Variants in SYN3 observed in about 807,000 individuals in gnomAD.
SYN3 encodes the protein synapsin III, also known as synapsin-3.
SYN3 carries 35 observed loss-of-function variants against 65.8 expected under a neutral mutation model. The observed-to-expected ratio is 0.53, with a 90% CI of 0.41 to 0.70. The LOEUF is 0.70. Among genes scored for constraint, SYN3 ranks in the 30% least tolerant of loss-of-function variants. The pLI, the probability that SYN3 is intolerant of heterozygous loss-of-function variation, is 0.00. For missense variants in SYN3, 680 were observed against 749.0 expected, an observed-to-expected ratio of 0.91 and a Z score of 1.08; for synonymous variants, 270 against 292.9, an observed-to-expected ratio of 0.92 and a Z score of 0.80.
intron 1 of SYN3, among the ~76,000 whole-genome samples, chr22:33,013,997 C>A (rs1398199939): frequency 6.6e-6 from 1 of 151,240 alleles, no homozygotes; most frequent in Admixed American, 6.6e-5. Flanking sequence ...CTCAACCTCC[C>A]AGGCTTAAGT....
At chr22:32,625,291 T>C (rs931360231) in intron 6 of SYN3, among the ~76,000 whole-genome samples, 1 of 152,208 alleles carries the variant, frequency 6.6e-6, no homozygotes, top group Admixed American at 6.5e-5. Context: ...AGGGATTTCA[T>C]ACAAAACTGT....
chr22:32,746,622 C>T (rs780626873), intron 6 of SYN3, among the ~76,000 whole-genome samples: 26 of 152,274 alleles, frequency 1.7e-4, no homozygotes, highest in Admixed American at 5.2e-4. Flanking sequence ...CTGATTCTTC[C>T]AGCACAGGTA....
At chr22:32,664,582 C>A (rs2060262285) in intron 6 of SYN3, among the ~76,000 whole-genome samples, 2 of 97,918 alleles carry the variant, frequency 2.0e-5, no homozygotes, top group African/African-American at 5.5e-5. Context: ...CTCAATTGGT[C>A]GCTTTTTTTT....
intron 6 of SYN3, among the ~76,000 whole-genome samples, chr22:32,762,662 G>A (rs1306110745): frequency 6.6e-6 from 1 of 152,216 alleles, no homozygotes; most frequent in Non-Finnish European, 1.5e-5. Flanking sequence ...GAAGTCAGGT[G>A]ATATAGAAGA....
intron 4 of SYN3, among the ~76,000 whole-genome samples, chr22:32,894,915 AG>A (rs767514171): frequency 6.6e-5 from 10 of 152,368 alleles, no homozygotes; most frequent in Non-Finnish European, 8.8e-5. Flanking sequence ...CCAATATTTC[AG>A]GTTTCTAGAA....
At chr22:32,828,391 A>C (rs1230127157) in intron 6 of SYN3, among the ~76,000 whole-genome samples, 1 of 152,206 alleles carries the variant, frequency 6.6e-6, no homozygotes, top group Non-Finnish European at 1.5e-5. Flanking sequence ...GCCTCTAAAA[A>C]ATTCTGCCAT....
intron 2 of SYN3, among the ~76,000 whole-genome samples, chr22:32,986,182 C>T (rs1003074120): frequency 4.6e-5 from 7 of 151,892 alleles, no homozygotes; most frequent in Non-Finnish European, 8.8e-5. Flanking sequence ...GTCTGTAGGC[C>T]GGCCTTTCCT....
At chr22:32,556,386 A>C (rs2058496185) in intron 7 of SYN3, among the ~76,000 whole-genome samples, 1 of 152,180 alleles carries the variant, frequency 6.6e-6, no homozygotes, top group South Asian at 2.1e-4. Flanking sequence ...AGTTTTTGGC[A>C]CAACCACCAC....
intron 6 of SYN3, among the ~76,000 whole-genome samples, chr22:32,806,557 A>G (rs558033887): frequency 7.9e-5 from 12 of 152,266 alleles, no homozygotes; most frequent in African/African-American, 2.9e-4. Context: ...GGGAGGGCAG[A>G]TCTGAGCTCC....
At chr22:32,797,153 C>T (rs1002494915) in intron 6 of SYN3, among the ~76,000 whole-genome samples, 1 of 152,186 alleles carries the variant, frequency 6.6e-6, no homozygotes, top group Non-Finnish European at 1.5e-5. Context: ...TGGGTGTTCT[C>T]TGGCTTATAG....
intron 7 of SYN3, among the ~76,000 whole-genome samples, chr22:32,561,281 T>C (rs1033761870): frequency 3.3e-5 from 5 of 152,162 alleles, no homozygotes; most frequent in African/African-American, 9.7e-5. Context: ...AGGGCATCGG[T>C]GACTTCACTG....
intron 6 of SYN3, among the ~76,000 whole-genome samples, chr22:32,705,639 T>C (rs1327236486): frequency 6.6e-6 from 1 of 152,248 alleles, no homozygotes; most frequent in African/African-American, 2.4e-5. Flanking sequence ...TGTAAATTGC[T>C]TTGGGCAGTA....
chr22:32,667,647 A>G (rs954738071), intron 6 of SYN3, among the ~76,000 whole-genome samples: 1 of 152,020 alleles, frequency 6.6e-6, no homozygotes, highest in Non-Finnish European at 1.5e-5. Context: ...ATACTTTAGT[A>G]TGTGTTCATT....
chr22:32,771,862 G>A (rs773162846), intron 6 of SYN3, among the ~76,000 whole-genome samples: 9 of 152,172 alleles, frequency 5.9e-5, no homozygotes, highest in Non-Finnish European at 7.3e-5. Flanking sequence ...ACTCAGAAAC[G>A]AATCTAGATC....
At chr22:32,611,849 G>A (rs2059450323) in intron 6 of SYN3, among the ~76,000 whole-genome samples, 1 of 152,162 alleles carries the variant, frequency 6.6e-6, no homozygotes, top group South Asian at 2.1e-4. Context: ...CTCTTGGTGG[G>A]CTCCTGGATA....
At chr22:32,615,444 A>AAAAAAAG (rs1555909311) in intron 6 of SYN3, among the ~76,000 whole-genome samples, 4 of 150,772 alleles carry the variant, frequency 2.7e-5, no homozygotes, top group East Asian at 1.9e-4. Context: ...AAAAAAAAAA[A>AAAAAAAG]AAAAAAAGAA....
At chr22:33,010,548 C>T (rs1469063370) in intron 1 of SYN3, among the ~76,000 whole-genome samples, 2 of 152,178 alleles carry the variant, frequency 1.3e-5, no homozygotes, top group African/African-American at 4.8e-5. Flanking sequence ...TCTATTCTTA[C>T]ATTTATTGAT....
chr22:32,827,783 T>C (rs1205141881), intron 6 of SYN3, among the ~76,000 whole-genome samples: 2 of 152,148 alleles, frequency 1.3e-5, no homozygotes, highest in Non-Finnish European at 2.9e-5. Context: ...TGTTGCCACA[T>C]ACTTCTAGCT....
chr22:32,667,782 T>G (rs1288787041), intron 6 of SYN3, among the ~76,000 whole-genome samples: 1 of 146,700 alleles, frequency 6.8e-6, no homozygotes, highest in Non-Finnish European at 1.5e-5. Context: ...AGGAGATCAC[T>G]TTTCTTTCTT....
Sources: allele counts gnomAD v4.1 joint callset (sites outside exome capture counted in the v4.1 genomes callset), GRCh38; gene constraint gnomAD v4.1.1; transcripts MANE v1.5; gene names NCBI Gene and HGNC (gene_info 2026-07-23, HGNC 2026-07-21).